Variants in PPP4R4 observed in about 807,000 individuals in gnomAD.
The protein encoded by PPP4R4 is serine/threonine-protein phosphatase 4 regulatory subunit 4.
PPP4R4 carries 70 observed loss-of-function variants against 121.8 expected under a neutral mutation model. The ratio of observed to expected loss-of-function variants is 0.57; its 90% CI spans 0.47 to 0.70. The LOEUF (loss-of-function observed/expected upper bound fraction) is 0.70. Ranked by LOEUF, PPP4R4 falls within the 30% of genes least tolerant of loss-of-function variation. PPP4R4 has a pLI of 0.00. For missense variants in PPP4R4, 875 were observed against 1,033.6 expected, an observed-to-expected ratio of 0.85 and a Z score of 2.10; for synonymous variants, 348 against 355.7, an observed-to-expected ratio of 0.98 and a Z score of 0.24.
In PPP4R4 at chr14:94,205,909, A is replaced by G. The variant is rs575080310; in HGVS notation, c.192-2555A>G. Reference sequence around the variant, plus strand: ...GGTTTGTTTTGTGGTCTGTCTTGATATATATTCTTCGGGCACTTGAATGGA... The same window carrying G: ...GGTTTGTTTTGTGGTCTGTCTTGATGTATATTCTTCGGGCACTTGAATGGA... On this transcript the variant is annotated intron_variant, in intron 2 of 24. Coordinates refer to ENST00000304338, the MANE Select transcript of PPP4R4 (RefSeq NM_058237.2). Among the ~76,000 whole-genome samples the G allele has an allele frequency of 1.6e-3, 245 of 152,072 alleles. 4 individuals carry two copies. The South Asian group carries it at 0.024, about 15-fold the overall frequency.
intron 2 of PPP4R4, among the ~76,000 whole-genome samples, chr14:94,186,127 A>G (rs1889267910): frequency 6.6e-6 from 1 of 152,174 alleles, no homozygotes; most frequent in Non-Finnish European, 1.5e-5. Flanking sequence ...TTGAGGTATA[A>G]TTCACATCCA....
Position 94,176,143 on chromosome 14 carries a change from T to C in PPP4R4, c.191+16T>C. 6.3e-7 allele frequency: 1 copy of C among 1,583,418 alleles called. No homozygotes were observed. Among genetic ancestry groups the C allele is most frequent in the Non-Finnish European group, 8.7e-7 (1 of 1,152,014 alleles). On this transcript the variant is annotated intron_variant, in intron 2 of 24. Transcript: ENST00000304338. Reference sequence around the variant, plus strand: ...ATCTGCTCAGGTATTTCCTAGTCTTTCTGTGAAATTGCTCTTCTTTTTTCC... The same window carrying C: ...ATCTGCTCAGGTATTTCCTAGTCTTCCTGTGAAATTGCTCTTCTTTTTTCC...
intron 2 of PPP4R4, among the ~76,000 whole-genome samples, chr14:94,179,866 T>G (rs1224199340): frequency 6.6e-6 from 1 of 152,250 alleles, no homozygotes; most frequent in Non-Finnish European, 1.5e-5. Context: ...TTGTTCTTTC[T>G]TGTTCTTCGC....
At chr14:94,275,576 AC>A (rs750825289) in intron 24 of PPP4R4, 55 bp downstream of exon 24, 106 of 1,575,326 alleles carry the variant, frequency 6.7e-5, no homozygotes, top group Non-Finnish European at 8.6e-5. Flanking sequence ...TTTGCTTAAC[AC>A]ACTTTCCTTC....
chr14:94,266,013 G>T (rs909436121), intron 22 of PPP4R4, 126 bp downstream of exon 22: 82 of 626,476 alleles, frequency 1.3e-4, no homozygotes, highest in Non-Finnish European at 1.8e-4. Flanking sequence ...CCAGTATTTT[G>T]TGAGTGTTCT....
At position 94,244,727 on chromosome 14, in the gene PPP4R4, C is replaced by T. The variant is rs753452436; in HGVS notation, c.1344+15C>T. 3 of 1,480,216 alleles carry T rather than the reference C, an allele frequency of 2.0e-6. No individual in the cohort carries two copies. Among genetic ancestry groups the T allele is most frequent in the East Asian group, 2.5e-5 (1 of 39,740 alleles). 91.7% of individuals were successfully genotyped at this position (1,480,216 alleles called of 1,614,324 possible). On this transcript the variant is annotated intron_variant, in intron 12 of 24. Transcript: ENST00000304338. Reference sequence around the variant, plus strand: ...AATCACTGGAGGTAATATTTTCTTACTCTTTGATTTTTAATTCTTTTATGT... The same window carrying T: ...AATCACTGGAGGTAATATTTTCTTATTCTTTGATTTTTAATTCTTTTATGT...
At chr14:94,175,348 T>A (rs1417402860) in intron 1 of PPP4R4, 2 of 152,486 alleles carry the variant, frequency 1.3e-5, no homozygotes, top group Non-Finnish European at 2.9e-5. Context: ...GGACTGTAGC[T>A]GGGACCCAGC....
intron 16 of PPP4R4, among the ~76,000 whole-genome samples, chr14:94,254,683 G>A (rs1893370121): frequency 6.6e-6 from 1 of 152,146 alleles, no homozygotes; most frequent in African/African-American, 2.4e-5. Context: ...AATTTGTAGA[G>A]CATTCAGATG....
intron 3 of PPP4R4, among the ~76,000 whole-genome samples, chr14:94,229,703 T>TTC (rs397820930): frequency 5.5e-5 from 2 of 36,696 alleles, no homozygotes; most frequent in African/African-American, 1.4e-3. Context: ...GATATGAAAC[T>TTC]ATTTTATGAC....
At chr14:94,207,184 TA>T (rs1379980332) in intron 2 of PPP4R4, among the ~76,000 whole-genome samples, 1 of 152,058 alleles carries the variant, frequency 6.6e-6, no homozygotes, top group Non-Finnish European at 1.5e-5. Context: ...ACATATCTTT[TA>T]GGGGGCCACC....
chr14:94,264,993 G>A, intron 20 of PPP4R4, 46 bp downstream of exon 20: 1 of 1,316,800 alleles, frequency 7.6e-7, no homozygotes. Context: ...CATAATTAAT[G>A]TTGCATCCTG....
intron 14 of PPP4R4, 148 bp downstream of exon 14, chr14:94,246,687 G>A: frequency 1.2e-6 from 1 of 837,840 alleles, no homozygotes. Context: ...CCAGAAGAGG[G>A]GACTCAGGTT....
chr14:94,271,730 A>C (rs547774083), intron 23 of PPP4R4, among the ~76,000 whole-genome samples: 15 of 152,336 alleles, frequency 9.8e-5, no homozygotes, highest in Admixed American at 2.0e-4. Context: ...ATGATCATCT[A>C]TGTAGAAAAT....
chr14:94,227,343 C>A, intron 3 of PPP4R4: 1 of 1,612,454 alleles, frequency 6.2e-7, no homozygotes, highest in Non-Finnish European at 8.5e-7. Context: ...TATGTTTGTC[C>A]AGAGGGTGTG....
chr14:94,200,990 G>A (rs751761613), intron 2 of PPP4R4, among the ~76,000 whole-genome samples: 1 of 151,972 alleles, frequency 6.6e-6, no homozygotes, highest in African/African-American at 2.4e-5. Context: ...TCTTAGCACC[G>A]CTTTTGCTCT....
chr14:94,259,409 G>T, intron 19 of PPP4R4, 40 bp downstream of exon 19: 4 of 1,478,808 alleles, frequency 2.7e-6, no homozygotes, highest in South Asian at 1.5e-5. Flanking sequence ...ACTCTTTTCT[G>T]ATTAATAACT....
chr14:94,259,689 T>C (rs1233805880), intron 19 of PPP4R4, among the ~76,000 whole-genome samples: 1 of 152,226 alleles, frequency 6.6e-6, no homozygotes, highest in Non-Finnish European at 1.5e-5. Context: ...TTTAAAGATT[T>C]CTGCCCCTTT....
chr14:94,184,444 G>T (rs1889151108), intron 2 of PPP4R4, among the ~76,000 whole-genome samples: 1 of 151,870 alleles, frequency 6.6e-6, no homozygotes, highest in African/African-American at 2.4e-5. Flanking sequence ...TTTTTGTAGA[G>T]TTAGGGGTCT....
Position 94,278,670 on chromosome 14 carries a change from A to G in PPP4R4, c.*27A>G, listed in dbSNP as rs745815357. On this transcript the variant is annotated 3_prime_UTR_variant, in exon 25 of 25. Transcript: ENST00000304338. Reference sequence around the variant, plus strand: ...TCAACTGCTTGATGAAGGAGGCAAAACAAAGGCAGCAGGAGATAATGTGAT... The same window carrying G: ...TCAACTGCTTGATGAAGGAGGCAAAGCAAAGGCAGCAGGAGATAATGTGAT... 6 of 1,555,982 alleles carry G rather than the reference A, an allele frequency of 3.9e-6. No individual in the cohort carries two copies. Among genetic ancestry groups the G allele is most frequent in the Middle Eastern group, 3.4e-4 (2 of 5,902 alleles).
Sources: allele counts gnomAD v4.1 joint callset (sites outside exome capture counted in the v4.1 genomes callset), GRCh38; gene constraint gnomAD v4.1.1; transcripts MANE v1.5; gene names NCBI Gene and HGNC (gene_info 2026-07-23, HGNC 2026-07-21).